CCDC142: variants seen among roughly 807,000 people sequenced by gnomAD.
CCDC142 encodes coiled-coil domain containing 142.
In CCDC142, 67 loss-of-function variants were observed where a neutral mutation model predicts 83.8. The observed-to-expected ratio is 0.80, with a 90% CI of 0.66 to 0.98. The LOEUF (loss-of-function observed/expected upper bound fraction) is 0.98. Among genes scored for constraint, CCDC142 ranks in the 50% least tolerant of loss-of-function variants. CCDC142 has a pLI of 0.00. For synonymous variants in CCDC142, 421 were observed against 421.2 expected (o/e 1.00, Z 0.01); for missense variants, 905 against 946.8 (o/e 0.96, Z 0.58).
In CCDC142 at chr2:74,482,955, G is replaced by A; in HGVS notation, c.-118C>T. 5 of 1,558,462 alleles carry A rather than the reference G, an allele frequency of 3.2e-6. No individual in the cohort carries two copies. Among genetic ancestry groups the A allele is most frequent in the Admixed American group, 1.8e-5 (1 of 56,720 alleles). On this transcript the variant is annotated 5_prime_UTR_variant, in exon 1 of 9. Transcript: ENST00000393965. The surrounding 1 kb of genome is among the most constrained non-coding windows in gnomAD (Gnocchi z 5.0). The stretch of plus-strand genomic sequence containing the variant: ...CGTTTTCTCCAGTCCGGGAGTCGCG[G>A]GGACCTTCATGGACTCTCTCGTGCT...
rs755903425 is a variant in CCDC142, at chr2:74,482,665, G to C, written c.173C>G (p.Pro58Arg). 3 of 1,611,174 alleles carry C rather than the reference G, an allele frequency of 1.9e-6. No homozygotes were observed. The highest frequency in any genetic ancestry group is 1.6e-4 in the Middle Eastern group (1 of 6,062). ...GTCCTCGCTCACATCCGCCGGCGTCGGCCACCACGGCGTCCCTCCAGAAGT... is the reference window on the plus strand; with the variant it reads ...GTCCTCGCTCACATCCGCCGGCGTCCGCCACCACGGCGTCCCTCCAGAAGT... ...SGTSGGTPWW[P>R]TPADVSEDYE... Residue 58 changes from proline (P) to arginine (R), a missense_variant, in exon 1 of 9, where the codon CCG becomes CGG. Physicochemically the swap from Pro to Arg is moderately radical, Grantham distance 103. Around this residue, in one of 3 missense-constraint regions of CCDC142, gnomAD observed 591 missense variants for 571.4 expected, o/e 1.03. Transcript: ENST00000393965. This position sits in a 1 kb window ranked among gnomAD's most constrained non-coding sequence, Gnocchi z 5.0.
At chr2:74,476,428 C>G (rs1364861784) in intron 5 of CCDC142, among the ~76,000 whole-genome samples, 2 of 152,144 alleles carry the variant, frequency 1.3e-5, no homozygotes, top group Non-Finnish European at 2.9e-5. Flanking sequence ...CTGCCTCTGC[C>G]TGCCAAAGTG....
Position 74,474,362 on chromosome 2 carries a change from G to A in CCDC142, c.*184C>T, listed in dbSNP as rs1013442681. 5 of 740,714 alleles carry A rather than the reference G, an allele frequency of 6.8e-6. No homozygotes were observed. The highest frequency in any genetic ancestry group is 8.3e-6 in the Non-Finnish European group (4 of 483,152). The allele number at this position is 740,714 out of a possible 1,614,324, so 45.9% of individuals were successfully genotyped here. A position where few individuals can be genotyped will look rare whatever the true frequency, so the allele number is the denominator to read the frequency against. On this transcript the variant is annotated 3_prime_UTR_variant, in exon 9 of 9. Transcript: ENST00000393965. ...TCTCCCAAAGTGCTGGATTACAGGCGTGAGCCACCTCGCCCAGCCCCTAAT... is the reference window on the plus strand; with the variant it reads ...TCTCCCAAAGTGCTGGATTACAGGCATGAGCCACCTCGCCCAGCCCCTAAT...
chr2:74,475,756 C>A (rs2104008835), intron 5 of CCDC142, 30 bp from the exon 6 acceptor site: 1 of 1,376,596 alleles, frequency 7.3e-7, no homozygotes. Context: ...GTAAAAGGGG[C>A]TTGTCAAATT....
At chr2:74,478,147 C>T (rs1325024293) in intron 5 of CCDC142, among the ~76,000 whole-genome samples, 1 of 150,068 alleles carries the variant, frequency 6.7e-6, no homozygotes, top group Non-Finnish European at 1.5e-5. Context: ...CTGGAACCTC[C>T]GCCTCCCGGA....
Position 74,482,071 on chromosome 2 carries a change from T to C in CCDC142, c.767A>G (p.Gln256Arg). The C allele has an allele frequency of 6.2e-7, 1 of 1,613,556 alleles. No individual in the cohort carries two copies. Among genetic ancestry groups the C allele is most frequent in the Non-Finnish European group, 8.5e-7 (1 of 1,179,942 alleles). Reference protein sequence around the residue: ...QVASRLDEALQGSALRDQLRR... With the variant: ...QVASRLDEALRGSALRDQLRR... ...GAGCTGGTCCCTCAACGCCGATCCT[T>C]GGAGCGCCTCGTCCAGCCGACTTGC... Residue 256 changes from glutamine to arginine, a missense_variant, in exon 1 of 9, where the codon CAA becomes CGA. Transcript: ENST00000393965. This position sits in a 1 kb window ranked among gnomAD's most constrained non-coding sequence, Gnocchi z 5.0.
rs200818373 is a variant in CCDC142, at chr2:74,475,242, G to T, written c.1779C>A (p.Thr593=). Residue 593 remains threonine, a synonymous_variant, in exon 7 of 9, where the codon ACC becomes ACA. Coordinates refer to ENST00000393965, the MANE Select transcript of CCDC142 (RefSeq NM_001365575.2). Reference sequence around the variant, plus strand: ...CTCCTGACCTGAACCGAATCCCATGGGTAAGAATGTGGTCAAGCCAGGCAC... The same window carrying T: ...CTCCTGACCTGAACCGAATCCCATGTGTAAGAATGTGGTCAAGCCAGGCAC... ...IVGAWLDHIL[T]HGIRFSLQGA... The T allele has an allele frequency of 6.2e-7, 1 of 1,614,216 alleles. No individual in the cohort carries two copies. Among genetic ancestry groups the T allele is most frequent in the Admixed American group, 1.7e-5 (1 of 60,024 alleles).
At position 74,482,696 on chromosome 2, in the gene CCDC142, T is replaced by G; in HGVS notation, c.142A>C (p.Ser48Arg). ...CACGGCGTCCCTCCAGAAGTTCCGC[T>G]CGGCCAGCAGTGAACCTCCCAGCGA... ...GLRWEVHCWP[S>R]GTSGGTPWWP... is the part of the protein sequence containing the mutation. The change falls in exon 1 of 9, where the codon AGC (serine) becomes CGC (arginine). Residue 48 changes from serine (S) to arginine (R), a missense_variant. Physicochemically the swap from Ser to Arg is moderately radical, Grantham distance 110 (BLOSUM62 -1). This residue lies in a region of CCDC142 where 591 missense variants were observed against 571.4 expected (regional missense o/e 1.03). Transcript: ENST00000393965. This position sits in a 1 kb window ranked among gnomAD's most constrained non-coding sequence, Gnocchi z 5.0. The G allele has an allele frequency of 6.2e-7, 1 of 1,609,394 alleles. No homozygotes were observed. The highest frequency in any genetic ancestry group is 8.5e-7 in the Non-Finnish European group (1 of 1,179,962).
At position 74,473,377 on chromosome 2, in the gene CCDC142, G is replaced by C. The variant is rs183406812; in HGVS notation, c.*1169C>G. On this transcript the variant is annotated 3_prime_UTR_variant, in exon 9 of 9. Transcript: ENST00000393965. ...CTCTTGTTGCCCAGGCAGGAGTGCA[G>C]TGGCGCGATCTCGGCTCACTGCAAT... The C allele has an allele frequency of 5.3e-3, 801 of 152,408 alleles. 8 individuals carry two copies. The highest frequency in any genetic ancestry group is 0.019 in the African/African-American group (776 of 41,528). The allele number at this position is 152,408 out of a possible 1,614,324, so 9.4% of individuals were successfully genotyped here. A position where few individuals can be genotyped will look rare whatever the true frequency, so the allele number is the denominator to read the frequency against.
chr2:74,479,999 C>A (rs1672406734), intron 5 of CCDC142, among the ~76,000 whole-genome samples: 1 of 152,086 alleles, frequency 6.6e-6, no homozygotes, highest in Admixed American at 6.6e-5. Context: ...TAAGAGTAAC[C>A]AAATCATTAA....
chr2:74,475,537 A>G, intron 6 of CCDC142, 75 bp downstream of exon 6: 1 of 1,468,124 alleles, frequency 6.8e-7, no homozygotes, highest in South Asian at 1.2e-5. Context: ...AGTGGAGGGG[A>G]ACCGGAATTT....
At chr2:74,478,260 C>T (rs1338468243) in intron 5 of CCDC142, among the ~76,000 whole-genome samples, 1 of 151,374 alleles carries the variant, frequency 6.6e-6, no homozygotes, top group Non-Finnish European at 1.5e-5. Context: ...CAGGGTTTCA[C>T]CATGTTGGCC....
Position 74,481,205 on chromosome 2 carries a change from C to A in CCDC142, c.1258+18G>T. ...TCCTCAACTGCTCTGTGTCCCCAGC[C>A]CCAGCCCCTCGTCTCACCTGCAGGC... On this transcript the variant is annotated intron_variant, in intron 3 of 8. Transcript: ENST00000393965. The A allele has an allele frequency of 1.2e-6, 2 of 1,613,840 alleles. No individual in the cohort carries two copies. The highest frequency in any genetic ancestry group is 1.7e-6 in the Non-Finnish European group (2 of 1,179,918).
Position 74,475,690 on chromosome 2 carries a change from C to A in CCDC142, c.1540G>T (p.Glu514Ter). ...PEESLSVFSQ[E>*]CHKQAMQGFK... ...CCTTGCATGGCTTGTTTATGACATT[C>A]TTGAGAAAAGACACTTAGTGACTCT... Residue 514 changes from glutamate to a stop codon, truncating the protein, a stop_gained, in exon 6 of 9, where the codon GAA (glutamate) becomes TAA (stop). Coordinates refer to ENST00000393965, the MANE Select transcript of CCDC142 (RefSeq NM_001365575.2). LOFTEE classifies it high-confidence loss of function. 6.2e-7 allele frequency: 1 copy of A among 1,614,068 alleles called. No homozygotes were observed. Among genetic ancestry groups the A allele is most frequent in the African/African-American group, 1.3e-5 (1 of 75,010 alleles).
chr2:74,481,370 A>T lies in CCDC142; in HGVS notation c.1111T>A (p.Phe371Ile), dbSNP rs571959474. ...AGAGCTGATCCCAAGGCCTGGCAGA[A>T]ACCTGAGGATGAGAGAGTATAGTGT... Reference protein sequence around the residue: ...QSLIWSWDQGFCQALGSALGG... With the variant: ...QSLIWSWDQGICQALGSALGG... The change falls in exon 3 of 9, where the codon TTC becomes ATC. Residue 371 changes from phenylalanine to isoleucine, a missense_variant and splice_region_variant. By Grantham distance (21) the Phe-to-Ile change is conservative. Coordinates refer to ENST00000393965, the MANE Select transcript of CCDC142 (RefSeq NM_001365575.2). The T allele has an allele frequency of 6.2e-7, 1 of 1,614,074 alleles. No individual in the cohort carries two copies. Among genetic ancestry groups the T allele is most frequent in the Non-Finnish European group, 8.5e-7 (1 of 1,180,014 alleles).
chr2:74,482,756 C>G lies in CCDC142; in HGVS notation c.82G>C (p.Glu28Gln). 1 of 1,601,524 alleles carries G rather than the reference C, an allele frequency of 6.2e-7. No homozygotes were observed. The highest frequency in any genetic ancestry group is 8.5e-7 in the Non-Finnish European group (1 of 1,179,962). The change falls in exon 1 of 9, where the codon GAG becomes CAG. Residue 28 changes from glutamate (E) to glutamine (Q), a missense_variant. Coordinates refer to ENST00000393965, the MANE Select transcript of CCDC142 (RefSeq NM_001365575.2). The surrounding 1 kb of genome is among the most constrained non-coding windows in gnomAD (Gnocchi z 5.0). ...GTTCGACTTCTCTCCCACTGCTCCT[C>G]CCCAGTGCCCCCGGGTTGCGCCCTC... ...PLRAQPGGTG[E>Q]EQWERSRTGG...
At chr2:74,480,426 T>TA (rs1184191377) in intron 5 of CCDC142, among the ~76,000 whole-genome samples, 6 of 151,858 alleles carry the variant, frequency 4.0e-5, no homozygotes, top group East Asian at 1.9e-4. Flanking sequence ...CTGTCTCTAC[T>TA]AAAAAAATTC....
intron 3 of CCDC142, 53 bp downstream of exon 3, chr2:74,481,170 A>G: frequency 6.2e-7 from 1 of 1,612,002 alleles, no homozygotes; most frequent in Non-Finnish European, 8.5e-7. Flanking sequence ...AGAGTGAAAG[A>G]AAAGAGATAT....
intron 1 of CCDC142, 114 bp downstream of exon 1, chr2:74,481,703 G>A (rs1672474718): frequency 7.1e-7 from 1 of 1,401,504 alleles, no homozygotes; most frequent in Non-Finnish European, 9.9e-7. Context: ...TGAACCCAGG[G>A]GTGTTCTTTC....
Sources: allele counts gnomAD v4.1 joint callset (sites outside exome capture counted in the v4.1 genomes callset), GRCh38; gene constraint gnomAD v4.1.1; regional missense constraint gnomAD v4.1.1; non-coding constraint Gnocchi (gnomAD v3.1); transcripts MANE v1.5; gene names NCBI Gene and HGNC (gene_info 2026-07-23, HGNC 2026-07-21).